The following PLXDC2 variants were observed in gnomAD, a reference collection of about 807,000 sequenced individuals.
PLXDC2 encodes plexin domain containing 2.
Under a neutral mutation model 68.9 loss-of-function variants are expected in PLXDC2, and 40 were observed. That is an observed-to-expected ratio of 0.58 (90% confidence interval 0.45 to 0.76). The LOEUF (loss-of-function observed/expected upper bound fraction) is 0.76, where lower values mean the gene tolerates loss of function less well. Ranked by LOEUF, PLXDC2 falls within the 30% of genes least tolerant of loss-of-function variation. The pLI is 0.00. For missense variants in PLXDC2, 644 were observed against 661.9 expected (o/e 0.97, Z 0.30); for synonymous variants, 243 against 234.2 (o/e 1.04, Z -0.34).
chr10:20,189,476 C>CATATATATAT (rs59999548), intron 9 of PLXDC2, among the ~76,000 whole-genome samples: 5,359 of 75,494 alleles, frequency 0.071, 298 homozygotes, highest in Admixed American at 0.11. Context: ...AAAGGTAGGC[C>CATATATATAT]ATATATATAT....
At chr10:19,985,279 T>G (rs1834616686) in intron 1 of PLXDC2, among the ~76,000 whole-genome samples, 1 of 152,230 alleles carries the variant, frequency 6.6e-6, no homozygotes. Context: ...TTTGTTAAAA[T>G]TAACTGCTGT....
chr10:20,190,875 A>G (rs140528020), intron 9 of PLXDC2, among the ~76,000 whole-genome samples: 1 of 152,088 alleles, frequency 6.6e-6, no homozygotes, highest in East Asian at 1.9e-4. Flanking sequence ...ATTAAAAGCT[A>G]TACCCCAGAA....
At chr10:20,153,317 T>C (rs996464308) in intron 6 of PLXDC2, among the ~76,000 whole-genome samples, 1 of 152,206 alleles carries the variant, frequency 6.6e-6, no homozygotes, top group African/African-American at 2.4e-5. Context: ...ACTTAAACTC[T>C]CTGGGCTAAG....
chr10:20,093,435 A>C (rs906445962), intron 4 of PLXDC2, among the ~76,000 whole-genome samples: 1 of 152,094 alleles, frequency 6.6e-6, no homozygotes, highest in Non-Finnish European at 1.5e-5. Context: ...GCAAATTTGG[A>C]TTCCACCCTT....
intron 1 of PLXDC2, among the ~76,000 whole-genome samples, chr10:19,890,538 C>CG (rs1157510073): frequency 2.3e-5 from 3 of 129,760 alleles, no homozygotes; most frequent in Non-Finnish European, 3.2e-5. Context: ...TTTTCTGAGA[C>CG]GGGGTTTTTT....
In PLXDC2 at chr10:20,045,755, T is replaced by C. The variant is rs536452034; in HGVS notation, c.325-1114T>C. Among the ~76,000 whole-genome samples, 3 of 152,298 alleles carry C rather than the reference T, an allele frequency of 2.0e-5. No individual in the cohort carries two copies. The South Asian group carries it at 6.2e-4, about 32-fold the overall frequency. ...CACAAAATTTACATCCCAAACCTTA[T>C]TATTCAAATCATAGACCTATTTATT... On this transcript the variant is annotated intron_variant, in intron 2 of 13. Transcript: ENST00000377252.
intron 12 of PLXDC2, among the ~76,000 whole-genome samples, chr10:20,245,122 AAAAAT>A (rs1332037943): frequency 3.9e-5 from 6 of 152,326 alleles, no homozygotes; most frequent in Middle Eastern, 3.4e-3. Context: ...TTCAAAAAAT[AAAAAT>A]AAAACACAGT....
intron 13 of PLXDC2, among the ~76,000 whole-genome samples, chr10:20,254,121 G>A (rs918246090): frequency 4.6e-5 from 7 of 152,264 alleles, no homozygotes; most frequent in African/African-American, 1.7e-4. Flanking sequence ...CAGCATCATA[G>A]CAAGAGTCTT....
intron 4 of PLXDC2, among the ~76,000 whole-genome samples, chr10:20,121,520 C>A (rs1048974816): frequency 6.6e-6 from 1 of 152,176 alleles, no homozygotes; most frequent in Non-Finnish European, 1.5e-5. Context: ...TGGGGGCTGT[C>A]TGTGAAGCCT....
rs1321952596 is a variant in PLXDC2 at position 20,281,178 on chromosome 10, G to A, written c.*1359G>A. 1 of 152,064 alleles carries A rather than the reference G, an allele frequency of 6.6e-6. No homozygotes were observed. Among genetic ancestry groups the A allele is most frequent in the Non-Finnish European group, 1.5e-5 (1 of 68,012 alleles). 9.4% of individuals were successfully genotyped at this position (152,064 alleles called of 1,614,324 possible). The stretch of plus-strand genomic sequence containing the variant: ...CTTCCCTCTCTGGCTAAATAAAGTG[G>A]ATGCAGAAAGCTCCTTAAATGGAGA... On this transcript the variant is annotated 3_prime_UTR_variant, in exon 14 of 14. Transcript: ENST00000377252.
chr10:19,858,963 C>T (rs1372695658), intron 1 of PLXDC2, among the ~76,000 whole-genome samples: 1 of 151,360 alleles, frequency 6.6e-6, no homozygotes, highest in Non-Finnish European at 1.5e-5. Flanking sequence ...CTTCAGGAAG[C>T]TTCCACTCAT....
chr10:19,853,312 C>T (rs530168061), intron 1 of PLXDC2, among the ~76,000 whole-genome samples: 1 of 152,260 alleles, frequency 6.6e-6, no homozygotes, highest in Admixed American at 6.5e-5. Flanking sequence ...ATTATTTTCT[C>T]TTTGCTGAAG....
intron 1 of PLXDC2, among the ~76,000 whole-genome samples, chr10:19,996,055 C>T (rs929672365): frequency 1.4e-4 from 22 of 152,134 alleles, no homozygotes; most frequent in East Asian, 7.7e-4. Context: ...AGGAGTCATT[C>T]GAGGCTTGTC....
intron 9 of PLXDC2, among the ~76,000 whole-genome samples, chr10:20,208,015 TAAAA>T (rs1230100775): frequency 6.6e-6 from 1 of 151,604 alleles, no homozygotes; most frequent in Non-Finnish European, 1.5e-5. Flanking sequence ...TTAAAAATAA[TAAAA>T]AAAAGAAAGA....
At chr10:20,040,703 C>T (rs1835668475) in intron 2 of PLXDC2, among the ~76,000 whole-genome samples, 1 of 152,058 alleles carries the variant, frequency 6.6e-6, no homozygotes, top group Non-Finnish European at 1.5e-5. Flanking sequence ...CCTCCCTCAC[C>T]TTTCCCAAGT....
At chr10:20,277,112 G>C (rs1836016956) in intron 13 of PLXDC2, among the ~76,000 whole-genome samples, 1 of 148,862 alleles carries the variant, frequency 6.7e-6, no homozygotes, top group African/African-American at 2.5e-5. Context: ...AGGAGGCTGA[G>C]GCAAGAGAAT....
At chr10:19,867,631 A>G (rs1837446435) in intron 1 of PLXDC2, among the ~76,000 whole-genome samples, 1 of 152,000 alleles carries the variant, frequency 6.6e-6, no homozygotes, top group Non-Finnish European at 1.5e-5. Flanking sequence ...TTTTTCCTTT[A>G]TTTCCATGCT....
chr10:19,993,942 C>G (rs565499417), intron 1 of PLXDC2, among the ~76,000 whole-genome samples: 1 of 152,318 alleles, frequency 6.6e-6, no homozygotes, highest in South Asian at 2.1e-4. Flanking sequence ...TTCTAATTCT[C>G]TGCTGCCTCA....
At chr10:20,116,805 A>T (rs548284052) in intron 4 of PLXDC2, among the ~76,000 whole-genome samples, 2 of 152,200 alleles carry the variant, frequency 1.3e-5, no homozygotes, top group South Asian at 4.1e-4. Context: ...TCTTACAAAA[A>T]TTTTTTTGAT....
Sources: gnomAD v4.1 joint callset for allele counts (sites outside exome capture counted in the v4.1 genomes callset) on GRCh38, gnomAD v4.1.1 for gene constraint, MANE v1.5 for transcripts, NCBI Gene and HGNC (gene_info 2026-07-23, HGNC 2026-07-21) for gene names.